FARP2: variants seen among roughly 807,000 people sequenced by gnomAD.
FARP2 encodes FERM, ARHGEF and pleckstrin domain-containing protein 2.
FARP2 carries 111 observed loss-of-function variants against 130.5 expected under a neutral mutation model. The ratio of observed to expected loss-of-function variants is 0.85; its 90% CI spans 0.73 to 1.00. The LOEUF is 1.00. Ranked by LOEUF, FARP2 falls within the 50% of genes least tolerant of loss-of-function variation. FARP2 has a pLI of 0.00. For synonymous variants in FARP2, 504 were observed against 516.9 expected (o/e 0.98, Z 0.34); for missense variants, 1,385 against 1,346.3 (o/e 1.03, Z -0.45).
At position 241,465,476 on chromosome 2, in the gene FARP2, A is replaced by G. The variant is rs1256689159; in HGVS notation, c.1893+1496A>G. 7.1e-6 allele frequency: 11 copies of G among 1,550,506 alleles called. No homozygotes were observed. The South Asian group carries it at 1.1e-4, about 15-fold the overall frequency. On this transcript the variant is annotated intron_variant, in intron 17 of 26. Transcript: ENST00000264042. ...TTCTTTCAGGTGTTCCAGCTCCACG[A>G]AGGGCATGTAGCAGGGGTCACAAAA... is the stretch of plus-strand genomic sequence containing the variant.
intron 17 of FARP2, chr2:241,466,053 AAT>A: frequency 4.1e-6 from 5 of 1,213,168 alleles, no homozygotes; most frequent in Non-Finnish European, 4.1e-6. Context: ...AGTCATCTTT[AAT>A]GTTCATTAAA....
At chr2:241,363,825 T>A (rs2061244635) in intron 1 of FARP2, among the ~76,000 whole-genome samples, 1 of 152,188 alleles carries the variant, frequency 6.6e-6, no homozygotes, top group Non-Finnish European at 1.5e-5. Context: ...TTAAACAAGA[T>A]CAAGAGTCTC....
chr2:241,415,995 G>C (rs200130230), intron 7 of FARP2, among the ~76,000 whole-genome samples: 16,400 of 87,534 alleles, frequency 0.19, 1,365 homozygotes, highest in East Asian at 0.36. Context: ...AGTTCTGTGT[G>C]TGTGTGTGTG....
chr2:241,383,148 C>A (rs933416739), intron 2 of FARP2, among the ~76,000 whole-genome samples: 1 of 152,230 alleles, frequency 6.6e-6, no homozygotes, highest in African/African-American at 2.4e-5. Flanking sequence ...TTTGCTGAGC[C>A]TCGGTGTGCA....
intron 2 of FARP2, among the ~76,000 whole-genome samples, chr2:241,373,628 G>A (rs1467941664): frequency 6.6e-6 from 1 of 152,186 alleles, no homozygotes; most frequent in Non-Finnish European, 1.5e-5. Context: ...GCGAGGCCCA[G>A]GCCACCTGGA....
At chr2:241,479,722 C>G (rs1372362404) in intron 19 of FARP2, among the ~76,000 whole-genome samples, 1 of 147,970 alleles carries the variant, frequency 6.8e-6, no homozygotes, top group Non-Finnish European at 1.5e-5. Flanking sequence ...AACCCGTTAG[C>G]GTGAGGTAGC....
chr2:241,382,051 A>G (rs562594453), intron 2 of FARP2, among the ~76,000 whole-genome samples: 2 of 152,214 alleles, frequency 1.3e-5, no homozygotes, highest in South Asian at 4.1e-4. Flanking sequence ...AAAAACAGGA[A>G]CTCACAGTGG....
chr2:241,447,825 G>A (rs2063546426), intron 13 of FARP2, among the ~76,000 whole-genome samples: 1 of 152,158 alleles, frequency 6.6e-6, no homozygotes. Flanking sequence ...CTGCTTTTGA[G>A]CCCTGTGAGG....
chr2:241,406,875 G>A (rs1173226150), intron 4 of FARP2, among the ~76,000 whole-genome samples: 1 of 151,988 alleles, frequency 6.6e-6, no homozygotes, highest in Non-Finnish European at 1.5e-5. Flanking sequence ...TGGCACGATC[G>A]CGGCTCACTG....
intron 12 of FARP2, among the ~76,000 whole-genome samples, chr2:241,437,666 A>ATT (rs1243876155): frequency 8.5e-5 from 11 of 129,274 alleles, no homozygotes; most frequent in East Asian, 4.8e-4. Context: ...TTATTTATTT[A>ATT]TTTATTTTTT....
intron 18 of FARP2, among the ~76,000 whole-genome samples, chr2:241,474,317 C>CAAAA (rs56128645): frequency 1.8e-3 from 82 of 46,680 alleles, no homozygotes; most frequent in Non-Finnish European, 2.2e-3. Flanking sequence ...GATTCCGTCT[C>CAAAA]AAAAAAAAAA....
At chr2:241,389,120 A>G (rs1243816335) in intron 2 of FARP2, among the ~76,000 whole-genome samples, 23 of 152,050 alleles carry the variant, frequency 1.5e-4, no homozygotes, top group Non-Finnish European at 2.9e-5. Context: ...ATCTCTACTA[A>G]AAGTACAAAA....
Position 241,479,010 on chromosome 2 carries a change from A to T in FARP2, c.2262+3023A>T, listed in dbSNP as rs113449463. The T allele has an allele frequency of 2.1e-5, 11 of 515,046 alleles. 1 individual carries two copies. Among genetic ancestry groups the T allele is most frequent in the African/African-American group, 1.8e-4 (9 of 50,728 alleles). 31.9% of individuals were successfully genotyped at this position (515,046 alleles called of 1,614,324 possible). A position where few individuals can be genotyped will look rare whatever the true frequency, so the allele number is the denominator to read the frequency against. Reference sequence around the variant, plus strand: ...AGGATGTGAGGGACACAGTATTGACAGCTGAAAAAATGATTTACTCTTTCC... The same window carrying T: ...AGGATGTGAGGGACACAGTATTGACTGCTGAAAAAATGATTTACTCTTTCC... On this transcript the variant is annotated intron_variant, in intron 19 of 26. Coordinates refer to ENST00000264042, the MANE Select transcript of FARP2 (RefSeq NM_014808.4).
At position 241,491,202 on chromosome 2, in the gene FARP2, CAGG is replaced by C. The variant is rs1553738819; in HGVS notation, c.2623+26_2623+28del. Reference sequence around the variant, plus strand: ...CCAGTGAGTGCTGGCCACAACCCCCCAGGAGACCTCCACTACACCTAAGGAGGC... The same window carrying C: ...CCAGTGAGTGCTGGCCACAACCCCCCAGACCTCCACTACACCTAAGGAGGC... On this transcript the variant is annotated intron_variant, in intron 23 of 26. Transcript: ENST00000264042. 6 of 1,540,114 alleles carry C rather than the reference CAGG, an allele frequency of 3.9e-6. No individual in the cohort carries two copies. The African/African-American group carries it at 6.8e-5, about 17-fold the overall frequency.
intron 13 of FARP2, among the ~76,000 whole-genome samples, chr2:241,447,668 G>A (rs1393307216): frequency 7.9e-5 from 12 of 152,200 alleles, no homozygotes; most frequent in Admixed American, 7.8e-4. Context: ...CAACAGCTCT[G>A]CAGGTTCTGG....
intron 2 of FARP2, chr2:241,386,844 G>A (rs1553710623): frequency 6.6e-6 from 1 of 152,238 alleles, no homozygotes; most frequent in Non-Finnish European, 1.5e-5. Flanking sequence ...TTCTTTAACT[G>A]TTTGGGATAT....
intron 19 of FARP2, chr2:241,478,339 G>C (rs1311296192): frequency 5.6e-6 from 1 of 177,736 alleles, no homozygotes; most frequent in African/African-American, 2.4e-5. Flanking sequence ...CACCTGCCTG[G>C]GGCAGCCTTA....
chr2:241,465,808 C>T, intron 17 of FARP2: 1 of 1,547,438 alleles, frequency 6.5e-7, no homozygotes, highest in Non-Finnish European at 8.7e-7. Flanking sequence ...CTACCCAATC[C>T]TGCGAGACTC....
intron 18 of FARP2, among the ~76,000 whole-genome samples, chr2:241,473,971 C>T (rs1248234716): frequency 2.6e-5 from 4 of 151,970 alleles, no homozygotes; most frequent in African/African-American, 9.7e-5. Flanking sequence ...TGACTTTATC[C>T]TCTGAAAGCT....
Sources: gnomAD v4.1 joint callset for allele counts (sites outside exome capture counted in the v4.1 genomes callset) on GRCh38, gnomAD v4.1.1 for gene constraint, MANE v1.5 for transcripts, NCBI Gene and HGNC (gene_info 2026-07-23, HGNC 2026-07-21) for gene names.